GRIN1: variants seen among roughly 807,000 people sequenced by gnomAD.
GRIN1 encodes glutamate receptor ionotropic, NMDA 1.
A neutral mutation model predicts 103.0 loss-of-function variants in GRIN1; 38 were observed. That is an observed-to-expected ratio of 0.37 (90% CI 0.28 to 0.48). GRIN1 has a LOEUF of 0.48. GRIN1 is among the 20% of genes least tolerant of loss of function. GRIN1 has a pLI of 0.98. For missense variants in GRIN1, 577 were observed against 1,288.9 expected (o/e 0.45, Z 8.46); for synonymous variants, 544 against 532.7 (o/e 1.02, Z -0.29).
At chr9:137,148,823 C>T (rs1259827281) in intron 3 of GRIN1, among the ~76,000 whole-genome samples, 186 bp from the exon 4 acceptor site, 3 of 152,090 alleles carry the variant, frequency 2.0e-5, no homozygotes, top group African/African-American at 4.8e-5. Flanking sequence ...AGGACAGGAC[C>T]GGAGAGGCGA....
intron 8 of GRIN1, among the ~76,000 whole-genome samples, chr9:137,160,590 C>T (rs918758688): frequency 3.0e-4 from 46 of 152,146 alleles, no homozygotes; most frequent in Admixed American, 1.2e-3. Context: ...CCACCACGCC[C>T]GGCTAATTTT....
At chr9:137,151,598 ACCAGAAAAAGCCCCGC>A (rs965894177) in intron 4 of GRIN1, among the ~76,000 whole-genome samples, 19 of 136,744 alleles carry the variant, frequency 1.4e-4, no homozygotes, top group African/African-American at 5.2e-4. Flanking sequence ...GAAAGCCCCT[ACCAGAAAAAGCCCCGC>A]CCAGAAAAAG....
intron 3 of GRIN1, 69 bp from the exon 4 acceptor site, chr9:137,148,940 C>T: frequency 8.5e-7 from 1 of 1,172,552 alleles, no homozygotes; most frequent in South Asian, 1.3e-5. Flanking sequence ...GGCTCCGGCC[C>T]AACTCTCACC....
At chr9:137,148,962 A>G in intron 3 of GRIN1, 47 bp from the exon 4 acceptor site, 1 of 1,361,476 alleles carries the variant, frequency 7.3e-7, no homozygotes, top group Non-Finnish European at 1.0e-6. Flanking sequence ...CTGAGGCGCT[A>G]TGTCCCCTGC....
Position 137,163,337 on chromosome 9 carries a change from G to T in GRIN1, c.2333+7G>T, listed in dbSNP as rs768094787. The T allele has an allele frequency of 6.2e-7, 1 of 1,613,232 alleles. No individual in the cohort carries two copies. Among genetic ancestry groups the T allele is most frequent in the Non-Finnish European group, 8.5e-7 (1 of 1,179,852 alleles). On this transcript the variant is annotated splice_region_variant and intron_variant, in intron 16 of 19. Coordinates refer to ENST00000371561, the MANE Select transcript of GRIN1 (RefSeq NM_007327.4). Reference sequence around the variant, plus strand: ...TCTCCCTGTCCATCCTCAAGTGAGTGTCCGTGCGCCCGCGTCCCTCCTCCG... The same window carrying T: ...TCTCCCTGTCCATCCTCAAGTGAGTTTCCGTGCGCCCGCGTCCCTCCTCCG...
rs902671394 is a variant in GRIN1, at chr9:137,148,315, GC to G, written c.571-691del. Reference sequence around the variant, plus strand: ...GTCTGGCCCAGCCGCCGAGCCGCAGGCCCAAGCAATGAGGAGAGGCAGCCGG... The same window carrying G: ...GTCTGGCCCAGCCGCCGAGCCGCAGGCCAAGCAATGAGGAGAGGCAGCCGG... On this transcript the variant is annotated intron_variant, in intron 3 of 19. Coordinates refer to ENST00000371561, the MANE Select transcript of GRIN1 (RefSeq NM_007327.4). 1.3e-5 allele frequency: 10 copies of G among 766,308 alleles called. No individual in the cohort carries two copies. The African/African-American group carries it at 1.6e-4, about 12-fold the overall frequency. 47.5% of individuals were successfully genotyped at this position (766,308 alleles called of 1,614,324 possible).
At position 137,139,537 on chromosome 9, in the gene GRIN1, C is replaced by T; in HGVS notation, c.51C>T (p.Val17=). Residue 17 remains valine (V), a synonymous_variant, in exon 1 of 20, where the codon GTC becomes GTT. Coordinates refer to ENST00000371561, the MANE Select transcript of GRIN1 (RefSeq NM_007327.4). The surrounding 1 kb of genome is among the most constrained non-coding windows in gnomAD (Gnocchi z 7.7). ...LTLALLFSCS[V]ARAACDPKIV... is the part of the protein sequence containing the mutation. ...TCGCCCTGCTGTTCTCCTGCTCCGT[C>T]GCCCGTGCCGCGTGCGACCCCAAGA... The T allele has an allele frequency of 6.2e-7, 1 of 1,610,432 alleles. No individual in the cohort carries two copies. The highest frequency in any genetic ancestry group is 8.5e-7 in the Non-Finnish European group (1 of 1,178,814).
rs201033415 is a variant in GRIN1, at chr9:137,145,917, C to T, written c.570+15C>T. 32 of 1,577,574 alleles carry T rather than the reference C, an allele frequency of 2.0e-5. No individual in the cohort carries two copies. In the East Asian group the frequency reaches 4.4e-4, roughly 22 times the overall value. ...GTGAGTCCAAGGTGAGGGTCGGCGC[C>T]GCGGGTGGGCGCCTGGCGGAGCCGA... is the stretch of plus-strand genomic sequence containing the variant. On this transcript the variant is annotated intron_variant, in intron 3 of 19. Coordinates refer to ENST00000371561, the MANE Select transcript of GRIN1 (RefSeq NM_007327.4).
At chr9:137,165,658 G>A (rs1008985189) in intron 19 of GRIN1, among the ~76,000 whole-genome samples, 2 of 152,184 alleles carry the variant, frequency 1.3e-5, no homozygotes, top group Non-Finnish European at 2.9e-5. Context: ...CCCCATCCTG[G>A]ACTCCTCAGC....
At position 137,139,814 on chromosome 9, in the gene GRIN1, T is replaced by G; in HGVS notation, c.258+70T>G. The stretch of plus-strand genomic sequence containing the variant: ...CTGCAACCCCACACCCCCAGTTTCA[T>G]TCCATCCTTTCCGTGCCCCCTTCCT... On this transcript the variant is annotated intron_variant, in intron 1 of 19. Transcript: ENST00000371561. The surrounding 1 kb of genome is among the most constrained non-coding windows in gnomAD (Gnocchi z 7.7). 1 of 1,208,198 alleles carries G rather than the reference T, an allele frequency of 8.3e-7. No homozygotes were observed. Among genetic ancestry groups the G allele is most frequent in the Non-Finnish European group, 1.2e-6 (1 of 816,194 alleles). The allele number at this position is 1,208,198 out of a possible 1,614,324, so 74.8% of individuals were successfully genotyped here. A position where few individuals can be genotyped will look rare whatever the true frequency, so the allele number is the denominator to read the frequency against.
chr9:137,163,970 C>A, intron 18 of GRIN1, 66 bp downstream of exon 18: 1 of 1,565,968 alleles, frequency 6.4e-7, no homozygotes, highest in Non-Finnish European at 8.8e-7. Flanking sequence ...CTCCTCCATC[C>A]CCGAAGGCCG....
chr9:137,147,900 CCCGAGAGCGA>C (rs1320450450), intron 3 of GRIN1, among the ~76,000 whole-genome samples: 5 of 152,302 alleles, frequency 3.3e-5, no homozygotes, highest in Non-Finnish European at 7.4e-5. Context: ...CTCCTTTTCT[CCCGAGAGCGA>C]CCGTTTCCAA....
Position 137,162,157 on chromosome 9 carries a change from C to T in GRIN1, c.1633-15C>T. 6.5e-7 allele frequency: 1 copy of T among 1,542,906 alleles called. No individual in the cohort carries two copies. ...TGGAGGGCCCGGGCCGCGCTGACCT[C>T]GCGTCCCTCCGCAGGAGATTCCCCG... On this transcript the variant is annotated splice_polypyrimidine_tract_variant and intron_variant, in intron 11 of 19. Coordinates refer to ENST00000371561, the MANE Select transcript of GRIN1 (RefSeq NM_007327.4).
In GRIN1 at chr9:137,164,337, G is replaced by A. The variant is rs138850145; in HGVS notation, c.2589+433G>A. On this transcript the variant is annotated intron_variant, in intron 18 of 19. Coordinates refer to ENST00000371561, the MANE Select transcript of GRIN1 (RefSeq NM_007327.4). The stretch of plus-strand genomic sequence containing the variant: ...CTTTCCTGCTATGTCCTTGTGCTCC[G>A]TGACTCTAATCCGAATTGGGCCAGG... 2,307 of 294,578 alleles carry A rather than the reference G, an allele frequency of 7.8e-3. 49 individuals carry two copies. The highest frequency in any genetic ancestry group is 0.047 in the African/African-American group (2,141 of 45,382). 18.2% of individuals were successfully genotyped at this position (294,578 alleles called of 1,614,324 possible). A position where few individuals can be genotyped will look rare whatever the true frequency, so the allele number is the denominator to read the frequency against.
Position 137,163,812 on chromosome 9 carries a change from A to G in GRIN1, c.2497A>G (p.Ile833Val). ...GIVAGIFLIF[I>V]EIAYKRHKDA... ...CGTGGCCGGGATCTTCCTGATTTTC[A>G]TCGAGATTGCCTACAAGCGGCACAA... The change falls in exon 18 of 20, where the codon ATC becomes GTC. Residue 833 changes from isoleucine to valine, a missense_variant. By Grantham distance (29) the Ile-to-Val change is conservative. This residue lies in a region of GRIN1 where 13 missense variants were observed against 100.3 expected (regional missense o/e 0.13). Transcript: ENST00000371561. 1 of 1,613,508 alleles carries G rather than the reference A, an allele frequency of 6.2e-7. No individual in the cohort carries two copies.
At chr9:137,157,516 G>A in intron 6 of GRIN1, among the ~76,000 whole-genome samples, 1 of 152,162 alleles carries the variant, frequency 6.6e-6, no homozygotes, top group South Asian at 2.1e-4. Context: ...TGTGTGGCTG[G>A]CAGCCTTTGG....
intron 18 of GRIN1, chr9:137,164,383 A>G: frequency 4.1e-6 from 1 of 241,284 alleles, no homozygotes; most frequent in Non-Finnish European, 8.3e-6. Flanking sequence ...CCTGGTGCCC[A>G]GGTTGTATCC....
rs370862708 is a variant in GRIN1, at chr9:137,156,649, C to T, written c.672-20C>T. 6.3e-7 allele frequency: 1 copy of T among 1,598,026 alleles called. No individual in the cohort carries two copies. Among genetic ancestry groups the T allele is most frequent in the African/African-American group, 1.3e-5 (1 of 74,636 alleles). The stretch of plus-strand genomic sequence containing the variant: ...TGGGAGTGCTGGAGTCCTGGCCCGT[C>T]ATCCCCGTCTGCCCCACAGCGAGGA... On this transcript the variant is annotated intron_variant, in intron 4 of 19. Coordinates refer to ENST00000371561, the MANE Select transcript of GRIN1 (RefSeq NM_007327.4).
In GRIN1 at chr9:137,163,525, G is replaced by A. The variant is rs1211494101; in HGVS notation, c.2334-34G>A. ...CTTGCTCCTTCCCGTCCTGGGCCCC[G>A]CCTCACTGCAGGCTCACTTGTTCCC... On this transcript the variant is annotated intron_variant, in intron 16 of 19. Transcript: ENST00000371561. The A allele has an allele frequency of 4.0e-6, 4 of 1,001,036 alleles. No individual in the cohort carries two copies. In the East Asian group the frequency reaches 9.1e-5, roughly 23 times the overall value. The allele number at this position is 1,001,036 out of a possible 1,614,324, so 62.0% of individuals were successfully genotyped here. A position where few individuals can be genotyped will look rare whatever the true frequency, so the allele number is the denominator to read the frequency against.
Sources: gnomAD v4.1 joint callset for allele counts (sites outside exome capture counted in the v4.1 genomes callset) on GRCh38, gnomAD v4.1.1 for gene constraint, gnomAD v4.1.1 regional missense constraint, Gnocchi (gnomAD v3.1) non-coding constraint, MANE v1.5 for transcripts, NCBI Gene and HGNC (gene_info 2026-07-23, HGNC 2026-07-21) for gene names.